SLC5A4: variants seen among roughly 807,000 people sequenced by gnomAD.
SLC5A4 encodes probable glucose sensor protein SLC5A4.
SLC5A4 carries 55 observed loss-of-function variants against 70.3 expected under a neutral mutation model. The ratio of observed to expected loss-of-function variants is 0.78; its 90% CI spans 0.63 to 0.98. The LOEUF (loss-of-function observed/expected upper bound fraction) is 0.98, where lower values mean the gene tolerates loss of function less well. Among genes scored for constraint, SLC5A4 ranks in the 50% least tolerant of loss-of-function variants. The pLI is 0.00. For synonymous variants in SLC5A4, 268 were observed against 305.7 expected (o/e 0.88, Z 1.29); for missense variants, 735 against 839.2 (o/e 0.88, Z 1.53).
the SLC5A4 span, among the ~76,000 whole-genome samples, chr22:32,342,403 T>G: frequency 2.0e-5 from 3 of 152,092 alleles, no homozygotes; most frequent in African/African-American, 7.2e-5. Flanking sequence ...ATAACTAATC[T>G]ATGTGAATGA....
chr22:32,238,905 A>G, intron 6 of SLC5A4, 80 bp downstream of exon 6: 2 of 955,298 alleles, frequency 2.1e-6, no homozygotes, highest in Non-Finnish European at 1.7e-6. Context: ...TGACAAGGTT[A>G]ACACTGAGAA....
At chr22:32,264,585 C>T in the SLC5A4 span, among the ~76,000 whole-genome samples, 5 of 151,994 alleles carry the variant, frequency 3.3e-5, no homozygotes, top group African/African-American at 9.6e-5. Flanking sequence ...CAAAACAAAA[C>T]GAAACAAGAA....
chr22:32,244,120 G>T (rs1926684973), intron 5 of SLC5A4, among the ~76,000 whole-genome samples: 1 of 152,164 alleles, frequency 6.6e-6, no homozygotes, highest in South Asian at 2.1e-4. Flanking sequence ...ACCTGTTCTT[G>T]ATTTTCTGAG....
chr22:32,316,696 AT>A, the SLC5A4 span, among the ~76,000 whole-genome samples: 24,880 of 147,948 alleles, frequency 0.17, 2,147 homozygotes, highest in East Asian at 0.3. Flanking sequence ...TGCTCGGCTA[AT>A]TTTTTTTTTT....
At chr22:32,319,671 C>A in the SLC5A4 span, among the ~76,000 whole-genome samples, 1 of 152,226 alleles carries the variant, frequency 6.6e-6, no homozygotes, top group South Asian at 2.1e-4. Context: ...GCTCCTGTCT[C>A]TTCTCCCAGA....
At chr22:32,283,850 TGCTG>T in the SLC5A4 span, among the ~76,000 whole-genome samples, 96 of 152,242 alleles carry the variant, frequency 6.3e-4, no homozygotes, top group African/African-American at 2.2e-3. Flanking sequence ...AGCCAGTATA[TGCTG>T]GCTCCAGCAC....
At chr22:32,331,969 A>G in the SLC5A4 span, among the ~76,000 whole-genome samples, 1 of 151,230 alleles carries the variant, frequency 6.6e-6, no homozygotes, top group Non-Finnish European at 1.5e-5. Context: ...ATCTTGGAAA[A>G]TCTCCCAGGC....
chr22:32,305,166 A>T, the SLC5A4 span, among the ~76,000 whole-genome samples: 16 of 152,194 alleles, frequency 1.1e-4, no homozygotes, highest in Middle Eastern at 3.4e-3. Flanking sequence ...TGTACTTTTA[A>T]AAAAATTTCT....
intron 12 of SLC5A4, among the ~76,000 whole-genome samples, chr22:32,224,982 G>C (rs1451906268): frequency 6.6e-6 from 1 of 152,154 alleles, no homozygotes; most frequent in Non-Finnish European, 1.5e-5. Context: ...ATTGCATGGA[G>C]ATTAATGGTA....
the SLC5A4 span, among the ~76,000 whole-genome samples, chr22:32,313,290 T>C: frequency 6.6e-6 from 1 of 152,214 alleles, no homozygotes; most frequent in Non-Finnish European, 1.5e-5. Flanking sequence ...ACAGTCTCAG[T>C]TGACACTTGT....
At chr22:32,270,615 C>T in the SLC5A4 span, 1 of 736,456 alleles carries the variant, frequency 1.4e-6, no homozygotes, top group East Asian at 2.5e-5. Context: ...CCACGCAGGG[C>T]CCCACGGTCT....
At chr22:32,320,656 CT>C in the SLC5A4 span, among the ~76,000 whole-genome samples, 4 of 152,296 alleles carry the variant, frequency 2.6e-5, no homozygotes, top group African/African-American at 9.6e-5. Flanking sequence ...GAACCTTAGT[CT>C]TGAATTCCCA....
chr22:32,227,819 C>T (rs1925492234), intron 11 of SLC5A4, among the ~76,000 whole-genome samples: 1 of 152,062 alleles, frequency 6.6e-6, no homozygotes, highest in Admixed American at 6.5e-5. Context: ...CCTCTAGTCC[C>T]AGCTACTCGG....
At chr22:32,320,757 A>G in the SLC5A4 span, among the ~76,000 whole-genome samples, 1 of 152,218 alleles carries the variant, frequency 6.6e-6, no homozygotes, top group Non-Finnish European at 1.5e-5. Context: ...CATTACCTAG[A>G]TAACAAAATT....
At chr22:32,285,712 TTTTTA>T in the SLC5A4 span, among the ~76,000 whole-genome samples, 39,944 of 147,658 alleles carry the variant, frequency 0.27, 5,363 homozygotes, top group East Asian at 0.31. Context: ...TCTTTTTTTA[TTTTTA>T]TTTTATTTTA....
rs987435305 is a variant in SLC5A4, at chr22:32,248,758, G to C, written c.357C>G (p.Ile119Met). 2 of 1,612,704 alleles carry C rather than the reference G, an allele frequency of 1.2e-6. No individual in the cohort carries two copies. Among genetic ancestry groups the C allele is most frequent in the African/African-American group, 2.7e-5 (2 of 75,008 alleles). The stretch of plus-strand genomic sequence containing the variant: ...AGATACTCACCCCCGACTTGATGTA[G>C]ATAGGGACAAAGATCCACCCAAGAA... ...LLILGWIFVPIYIKSGVMTMP... is the reference protein window; with the variant it reads ...LLILGWIFVPMYIKSGVMTMP... The change falls in exon 4 of 15, where the codon ATC becomes ATG. Residue 119 changes from isoleucine (I) to methionine (M), a missense_variant. Transcript: ENST00000266086.
At chr22:32,312,571 C>G in the SLC5A4 span, among the ~76,000 whole-genome samples, 1 of 152,050 alleles carries the variant, frequency 6.6e-6, no homozygotes, top group Admixed American at 6.6e-5. Flanking sequence ...TCAGAAGCCA[C>G]CAGCCCAAAA....
chr22:32,254,080 C>T, intron 2 of SLC5A4, 62 bp downstream of exon 2: 2 of 1,313,306 alleles, frequency 1.5e-6, no homozygotes, highest in Non-Finnish European at 2.2e-6. Flanking sequence ...CGCACCCAGC[C>T]TACATTCAGT....
chr22:32,269,177 C>T, the SLC5A4 span, among the ~76,000 whole-genome samples: 1 of 152,190 alleles, frequency 6.6e-6, no homozygotes, highest in Non-Finnish European at 1.5e-5. The surrounding 1 kb of genome is among the most constrained non-coding windows in gnomAD (Gnocchi z 4.1). Context: ...AGGCGTGAGC[C>T]ACCACGAGCG....
Sources: allele counts gnomAD v4.1 joint callset (sites outside exome capture counted in the v4.1 genomes callset), GRCh38; gene constraint gnomAD v4.1.1; non-coding constraint Gnocchi (gnomAD v3.1); transcripts MANE v1.5; gene names NCBI Gene and HGNC (gene_info 2026-07-23, HGNC 2026-07-21).